The following ACTR3C variants were observed in gnomAD, a reference collection of about 807,000 sequenced individuals.
ACTR3C encodes the protein actin related protein 3C.
In ACTR3C, 18 loss-of-function variants were observed where a neutral mutation model predicts 26.3. The ratio of observed to expected loss-of-function variants is 0.68; its 90% CI spans 0.47 to 1.01. The LOEUF is 1.01. ACTR3C is among the 50% of genes least tolerant of loss of function. The pLI is 0.00. For missense variants in ACTR3C, 184 were observed against 250.7 expected, an observed-to-expected ratio of 0.73 and a Z score of 1.80; for synonymous variants, 55 against 94.5, an observed-to-expected ratio of 0.58 and a Z score of 2.42.
chr7:150,038,640 C>G, the ACTR3C span, among the ~76,000 whole-genome samples: 1 of 144,894 alleles, frequency 6.9e-6, no homozygotes, highest in Non-Finnish European at 1.5e-5. Context: ...TCGGACCCGT[C>G]GGATCGTAAA....
At chr7:150,161,706 C>T in the ACTR3C span, among the ~76,000 whole-genome samples, 886 of 152,192 alleles carry the variant, frequency 5.8e-3, 10 homozygotes, top group African/African-American at 0.02. Flanking sequence ...GCTATAAAGA[C>T]GCATGCACAT....
At chr7:150,125,364 G>A in the ACTR3C span, among the ~76,000 whole-genome samples, 222 of 150,326 alleles carry the variant, frequency 1.5e-3, no homozygotes, top group Middle Eastern at 6.8e-3. Context: ...TTGCAAGGCC[G>A]CTGGGTAAAA....
chr7:149,957,805 G>T, the ACTR3C span, among the ~76,000 whole-genome samples: 1 of 151,968 alleles, frequency 6.6e-6, no homozygotes, highest in African/African-American at 2.4e-5. Flanking sequence ...TATTGGTTCT[G>T]TTCCTCTGGA....
chr7:150,277,723 T>C (rs917434431), intron 6 of ACTR3C, among the ~76,000 whole-genome samples: 11 of 152,102 alleles, frequency 7.2e-5, no homozygotes, highest in Non-Finnish European at 1.5e-4. Context: ...CTCTCACCTA[T>C]GCTCTGGAGC....
At chr7:150,284,540 C>T (rs1284153748) in intron 6 of ACTR3C, among the ~76,000 whole-genome samples, 6 of 152,002 alleles carry the variant, frequency 3.9e-5, no homozygotes, top group East Asian at 1.9e-4. Flanking sequence ...AGCAAGACTC[C>T]GTCTCCAAAA....
the ACTR3C span, among the ~76,000 whole-genome samples, chr7:150,017,841 C>G: frequency 6.7e-6 from 1 of 150,358 alleles, no homozygotes; most frequent in African/African-American, 2.5e-5. Context: ...TTTGACCATT[C>G]TTGGGTTTTC....
chr7:149,965,532 T>C, the ACTR3C span, among the ~76,000 whole-genome samples: 47 of 148,736 alleles, frequency 3.2e-4, 1 homozygote, highest in Admixed American at 2.6e-3. Flanking sequence ...AAACTCTAAT[T>C]CTTGGCTTCC....
intron 6 of ACTR3C, among the ~76,000 whole-genome samples, chr7:150,279,237 C>T (rs909048976): frequency 6.6e-6 from 1 of 152,084 alleles, no homozygotes; most frequent in Non-Finnish European, 1.5e-5. Context: ...CCCAGGAGGT[C>T]GAGGCTGCAG....
At chr7:149,915,028 T>C in the ACTR3C span, among the ~76,000 whole-genome samples, 4,615 of 152,058 alleles carry the variant, frequency 0.03, 248 homozygotes, top group African/African-American at 0.1. Context: ...TACAGGCGTG[T>C]ACCACCACGC....
At chr7:150,087,182 TAAAAAAAA>T in the ACTR3C span, among the ~76,000 whole-genome samples, 29 of 129,408 alleles carry the variant, frequency 2.2e-4, no homozygotes, top group African/African-American at 8.7e-4. Flanking sequence ...TGAATTTGTT[TAAAAAAAA>T]AAAAAAAAAA....
At chr7:150,047,843 C>G in the ACTR3C span, 6 of 1,511,496 alleles carry the variant, frequency 4.0e-6, no homozygotes, top group Non-Finnish European at 5.3e-6. Context: ...ACCTCTGGTA[C>G]AGCGAAGCCA....
chr7:150,273,461 G>T (rs1047911300), intron 6 of ACTR3C, among the ~76,000 whole-genome samples: 1 of 151,752 alleles, frequency 6.6e-6, no homozygotes, highest in Admixed American at 6.6e-5. Flanking sequence ...TGGTAGATGG[G>T]GTCTCCCTGT....
chr7:150,213,222 A>G, the ACTR3C span, among the ~76,000 whole-genome samples: 1 of 152,104 alleles, frequency 6.6e-6, no homozygotes, highest in African/African-American at 2.4e-5. Context: ...TCTGTGATAT[A>G]CTCATGTCCA....
chr7:150,320,661 G>A (rs1797412229), intron 1 of ACTR3C, among the ~76,000 whole-genome samples: 1 of 152,202 alleles, frequency 6.6e-6, no homozygotes, highest in Admixed American at 6.5e-5. Flanking sequence ...TACTTCGAAG[G>A]CTGAAGCAGG....
the ACTR3C span, among the ~76,000 whole-genome samples, chr7:150,148,209 T>C: frequency 6.9e-6 from 1 of 145,352 alleles, no homozygotes; most frequent in Non-Finnish European, 1.5e-5. Context: ...CCAGGCGCGG[T>C]GGCTCATGCC....
chr7:150,211,642 G>T, the ACTR3C span, among the ~76,000 whole-genome samples: 1 of 149,792 alleles, frequency 6.7e-6, no homozygotes, highest in Admixed American at 6.6e-5. Context: ...CTGAAGGCTG[G>T]TTGAATGTCC....
chr7:149,937,554 A>G, the ACTR3C span, among the ~76,000 whole-genome samples: 1 of 152,212 alleles, frequency 6.6e-6, no homozygotes, highest in Non-Finnish European at 1.5e-5. Context: ...AGGAGTGAGA[A>G]GAGAGAACAG....
At chr7:150,038,895 C>CCT in the ACTR3C span, among the ~76,000 whole-genome samples, 1 of 58,890 alleles carries the variant, frequency 1.7e-5, no homozygotes, top group African/African-American at 5.8e-5. Flanking sequence ...GTGCCTCCCC[C>CCT]CTGCGATGGG....
At chr7:150,244,006 CTGAG>C (rs1832329569), downstream of ACTR3C, 1 of 151,696 alleles carries the variant, frequency 6.6e-6, no homozygotes, top group Admixed American at 6.6e-5. Context: ...ATGTTTAGTA[CTGAG>C]TGTTAGTTTA....
Sources: gnomAD v4.1 joint callset for allele counts (sites outside exome capture counted in the v4.1 genomes callset) on GRCh38, gnomAD v4.1.1 for gene constraint, MANE v1.5 for transcripts, NCBI Gene and HGNC (gene_info 2026-07-23, HGNC 2026-07-21) for gene names.